Variants in NEK5 observed in about 807,000 individuals in gnomAD.
NEK5 encodes serine/threonine-protein kinase Nek5.
In NEK5, 88 loss-of-function variants were observed where a neutral mutation model predicts 109.2. That is an observed-to-expected ratio of 0.81 (90% confidence interval 0.68 to 0.96). The LOEUF is 0.96. Ranked by LOEUF, NEK5 falls within the 40% of genes least tolerant of loss-of-function variation. NEK5 has a pLI of 0.00. For missense variants in NEK5, 834 were observed against 920.7 expected (o/e 0.91, Z 1.22); for synonymous variants, 283 against 299.9 (o/e 0.94, Z 0.58).
At chr13:52,081,486 T>C (rs1020070990) in intron 17 of NEK5, among the ~76,000 whole-genome samples, 3 of 152,180 alleles carry the variant, frequency 2.0e-5, no homozygotes, top group African/African-American at 7.2e-5. Context: ...CATTTCTGTC[T>C]TTCAGATGGC....
intron 16 of NEK5, among the ~76,000 whole-genome samples, chr13:52,084,698 C>T (rs959296763): frequency 6.4e-5 from 9 of 141,212 alleles, no homozygotes; most frequent in East Asian, 6.2e-4. Flanking sequence ...CCACCATGTC[C>T]GGCTAATTTA....
In NEK5 at chr13:52,087,421, T is replaced by G; in HGVS notation, c.1309A>C (p.Asn437His). ...TTACTTCTTAGCTCTTGTCTCTGGT[T>G]GTAATTTGGCTCGGCAGAAGATGGA... ...LRPSSAEPNY[N>H]QRQELRSNGE... is the part of the protein sequence containing the mutation. The change falls in exon 15 of 24, where the codon AAC becomes CAC. Residue 437 changes from asparagine (N) to histidine (H), a missense_variant. By Grantham distance (68) the Asn-to-His change is moderately conservative (BLOSUM62 1). Transcript: ENST00000684899. 1 of 1,610,646 alleles carries G rather than the reference T, an allele frequency of 6.2e-7. No individual in the cohort carries two copies. The highest frequency in any genetic ancestry group is 8.5e-7 in the Non-Finnish European group (1 of 1,177,364).
intron 7 of NEK5, among the ~76,000 whole-genome samples, chr13:52,108,846 T>C (rs955573532): frequency 6.6e-6 from 1 of 152,234 alleles, no homozygotes; most frequent in Non-Finnish European, 1.5e-5. Context: ...ATATTTTTCA[T>C]ATAACCGTGA....
intron 20 of NEK5, among the ~76,000 whole-genome samples, chr13:52,068,362 T>A (rs1425602693): frequency 9.9e-5 from 15 of 152,178 alleles, no homozygotes; most frequent in Admixed American, 9.8e-4. Context: ...TTTCTCTCCA[T>A]TTATTCAAGT....
intron 21 of NEK5, among the ~76,000 whole-genome samples, chr13:52,064,504 G>A (rs1208506193): frequency 6.7e-6 from 1 of 148,800 alleles, no homozygotes. Context: ...AGGTGGGGGG[G>A]TCAGCCCCCC....
intron 14 of NEK5, among the ~76,000 whole-genome samples, 167 bp from the exon 15 acceptor site, chr13:52,087,621 A>G (rs535218297): frequency 1.3e-5 from 2 of 152,192 alleles, no homozygotes; most frequent in Admixed American, 1.3e-4. Flanking sequence ...ATAAAGCATT[A>G]AAAAATATAT....
intron 6 of NEK5, 22 bp downstream of exon 6, chr13:52,110,466 TGTCTTA>T (rs762622583): frequency 5.6e-6 from 9 of 1,594,806 alleles, no homozygotes; most frequent in Non-Finnish European, 6.0e-6. Context: ...AGATCAGTTC[TGTCTTA>T]GTCTTCTCTC....
intron 17 of NEK5, chr13:52,082,388 G>C (rs1274753871): frequency 1.7e-6 from 2 of 1,154,238 alleles, no homozygotes; most frequent in Non-Finnish European, 2.2e-6. Flanking sequence ...AAAAATAAAA[G>C]CACACTTGGG....
At chr13:52,120,554 G>C (rs772098127) in intron 3 of NEK5, among the ~76,000 whole-genome samples, 1 of 151,788 alleles carries the variant, frequency 6.6e-6, no homozygotes, top group Non-Finnish European at 1.5e-5. Context: ...AAAAAAAAGA[G>C]AAATAAAAAT....
At chr13:52,099,591 A>C in intron 12 of NEK5, 152 bp downstream of exon 12, 6 of 658,870 alleles carry the variant, frequency 9.1e-6, no homozygotes, top group African/African-American at 1.8e-5. Context: ...AATTGCTTGA[A>C]CCCGGGAGGT....
Position 52,102,221 on chromosome 13 carries a change from C to T in NEK5, c.681G>A (p.Gly227=). ...TCAAGGAATGGAGCTCACGAGAAAA[C>T]CCCGGAGATATTGGGGCAAAATGTG... ...CQAHFAPISP[G]FSRELHSLIS... Residue 227 remains glycine (G), a synonymous_variant, in exon 10 of 24, where the codon GGG becomes GGA. Transcript: ENST00000684899. 4 of 1,614,004 alleles carry T rather than the reference C, an allele frequency of 2.5e-6. No individual in the cohort carries two copies. The highest frequency in any genetic ancestry group is 1.3e-5 in the African/African-American group (1 of 75,008).
intron 3 of NEK5, among the ~76,000 whole-genome samples, chr13:52,126,406 A>G (rs1956064514): frequency 6.6e-6 from 1 of 152,264 alleles, no homozygotes. Context: ...ACTGTTCTGC[A>G]TACTGAGGAA....
At chr13:52,038,139 AC>A (rs1038417983) in intron 23 of NEK5, among the ~76,000 whole-genome samples, 4 of 152,134 alleles carry the variant, frequency 2.6e-5, no homozygotes, top group Non-Finnish European at 4.4e-5. Context: ...AGCCTGGCCA[AC>A]ATGGCAAAAC....
intron 13 of NEK5, among the ~76,000 whole-genome samples, chr13:52,090,905 A>T (rs1179996836): frequency 5.3e-5 from 8 of 152,146 alleles, no homozygotes; most frequent in Non-Finnish European, 1.2e-4. Context: ...AGGCGCCTGT[A>T]GTCCCAGCTA....
chr13:52,090,748 G>A lies in NEK5; in HGVS notation c.1209-1435C>T, dbSNP rs539547536. ...CTATACAAATTCCTCTTCCTCGGCC[G>A]GGCATGGTGGCTCATGCCTGTAATG... On this transcript the variant is annotated intron_variant, in intron 13 of 23. Coordinates refer to ENST00000684899, the MANE Select transcript of NEK5 (RefSeq NM_001365552.1). Among the ~76,000 whole-genome samples the A allele has an allele frequency of 9.9e-5, 15 of 152,156 alleles. No individual in the cohort carries two copies. In the South Asian group the frequency reaches 2.3e-3, roughly 23 times the overall value.
intron 4 of NEK5, among the ~76,000 whole-genome samples, chr13:52,116,887 T>G (rs1407409952): frequency 6.6e-6 from 1 of 152,190 alleles, no homozygotes; most frequent in African/African-American, 2.4e-5. Flanking sequence ...TTATTTTTCT[T>G]ATGTTGCTTC....
At chr13:52,056,457 T>C (rs1954555838) in intron 22 of NEK5, among the ~76,000 whole-genome samples, 1 of 150,148 alleles carries the variant, frequency 6.7e-6, no homozygotes, top group African/African-American at 2.5e-5. Context: ...CTAATAGACA[T>C]CTACAGAACT....
At chr13:52,100,703 A>G (rs1955511747) in intron 11 of NEK5, among the ~76,000 whole-genome samples, 2 of 152,028 alleles carry the variant, frequency 1.3e-5, no homozygotes, top group Non-Finnish European at 2.9e-5. Flanking sequence ...GTGAGACCCC[A>G]TCTCAATAAA....
At chr13:52,039,105 A>G (rs1193140293) in intron 23 of NEK5, among the ~76,000 whole-genome samples, 1 of 152,198 alleles carries the variant, frequency 6.6e-6, no homozygotes, top group Non-Finnish European at 1.5e-5. Flanking sequence ...GAAGAGGGAC[A>G]GTTTTTCCTA....
Sources: allele counts gnomAD v4.1 joint callset (sites outside exome capture counted in the v4.1 genomes callset), GRCh38; gene constraint gnomAD v4.1.1; transcripts MANE v1.5; gene names NCBI Gene and HGNC (gene_info 2026-07-23, HGNC 2026-07-21).